CFLAR: variants seen among roughly 807,000 people sequenced by gnomAD.
CFLAR encodes the protein CASP8 and FADD like apoptosis regulator.
In CFLAR, 14 loss-of-function variants were observed where a neutral mutation model predicts 51.1. That is an observed-to-expected ratio of 0.27 (90% confidence interval 0.18 to 0.43). The LOEUF (loss-of-function observed/expected upper bound fraction) is 0.43, where lower values mean the gene tolerates loss of function less well. Ranked by LOEUF, CFLAR falls within the 20% of genes least tolerant of loss-of-function variation. CFLAR has a pLI of 1.00. For synonymous variants in CFLAR, 210 were observed against 211.6 expected (o/e 0.99, Z 0.06); for missense variants, 390 against 566.5 (o/e 0.69, Z 3.16).
intron 9 of CFLAR, chr2:201,162,953 C>T (rs774187279): frequency 1.4e-6 from 1 of 704,298 alleles, no homozygotes; most frequent in Non-Finnish European, 2.6e-6. Context: ...TATTAAACAT[C>T]CTTGTAACTT....
chr2:201,120,509 C>T (rs1187354847), intron 1 of CFLAR, among the ~76,000 whole-genome samples: 1 of 152,084 alleles, frequency 6.6e-6, no homozygotes, highest in Non-Finnish European at 1.5e-5. Context: ...CACTTGATAC[C>T]ACTTTCATCT....
rs954283801 is a variant in CFLAR at position 201,163,762 on chromosome 2, C to T, written c.1305-73C>T. 4 of 1,545,908 alleles carry T rather than the reference C, an allele frequency of 2.6e-6. No individual in the cohort carries two copies. The African/African-American group carries it at 5.5e-5, about 21-fold the overall frequency. On this transcript the variant is annotated intron_variant, in intron 9 of 9. Coordinates refer to ENST00000309955, the MANE Select transcript of CFLAR (RefSeq NM_003879.7). ...CAAAGAACTTTCACATCTGTTGGCT[C>T]ATTTCGCCCTAATGACAGTCTTCTC... is the stretch of plus-strand genomic sequence containing the variant.
chr2:201,142,428 G>A (rs533102056), intron 5 of CFLAR, among the ~76,000 whole-genome samples: 7 of 152,012 alleles, frequency 4.6e-5, no homozygotes, highest in Non-Finnish European at 8.8e-5. Flanking sequence ...ATGGATTTAC[G>A]GATTATATTA....
intron 5 of CFLAR, 76 bp from the exon 6 acceptor site, chr2:201,145,302 A>AT (rs1939887992): frequency 5.0e-6 from 4 of 807,464 alleles, no homozygotes; most frequent in Non-Finnish European, 8.3e-6. Flanking sequence ...CTATTGAGAC[A>AT]TTTAAAGAGG....
intron 1 of CFLAR, among the ~76,000 whole-genome samples, chr2:201,128,007 A>T (rs2048872211): frequency 1.3e-5 from 2 of 152,214 alleles, no homozygotes; most frequent in Admixed American, 1.3e-4. Flanking sequence ...TGACTGTAAA[A>T]AAATAGAGAA....
intron 1 of CFLAR, among the ~76,000 whole-genome samples, chr2:201,127,963 A>G (rs755996967): frequency 4.6e-5 from 7 of 152,168 alleles, no homozygotes; most frequent in Non-Finnish European, 8.8e-5. Flanking sequence ...TGGCATTGTT[A>G]TATTGTTGAT....
Position 201,176,280 on chromosome 2 carries a change from G to GC in CFLAR, c.*12307_*12308insC, listed in dbSNP as rs1457368912. On this transcript the variant is annotated 3_prime_UTR_variant, in exon 10 of 10. Coordinates refer to ENST00000309955, the MANE Select transcript of CFLAR (RefSeq NM_003879.7). ...TCAGTCTCAGGTGTTTTCTATTGCG[G>GC]GGGGGGGGGGCGGGCGGGGGAGCTG... 7.4e-5 allele frequency: 4 copies of GC among 53,914 alleles called. No homozygotes were observed. The highest frequency in any genetic ancestry group is 2.6e-4 in the Admixed American group (1 of 3,906). The allele number at this position is 53,914 out of a possible 1,614,324, so 3.3% of individuals were successfully genotyped here. A position where few individuals can be genotyped will look rare whatever the true frequency, so the allele number is the denominator to read the frequency against.
At chr2:201,128,815 G>A (rs2048951149) in intron 1 of CFLAR, among the ~76,000 whole-genome samples, 3 of 152,204 alleles carry the variant, frequency 2.0e-5, no homozygotes, top group South Asian at 2.1e-4. Context: ...GAAACTTAGA[G>A]TAGATAGGTT....
chr2:201,129,664 TAC>T, intron 1 of CFLAR, 63 bp from the exon 2 acceptor site: 1 of 552,840 alleles, frequency 1.8e-6, no homozygotes, highest in Admixed American at 3.1e-5. Flanking sequence ...AAAGAGCCCA[TAC>T]TTTCAATCTT....
rs968752271 is a variant in CFLAR at position 201,140,213 on chromosome 2, C to A, written c.524-144C>A. Reference sequence around the variant, plus strand: ...TCATGATGTTTGGTCGAAGAGTCATCTGAAATTTTGAATTCAGTAAGGTGG... The same window carrying A: ...TCATGATGTTTGGTCGAAGAGTCATATGAAATTTTGAATTCAGTAAGGTGG... On this transcript the variant is annotated intron_variant, in intron 4 of 9. Coordinates refer to ENST00000309955, the MANE Select transcript of CFLAR (RefSeq NM_003879.7). 4.4e-5 allele frequency: 42 copies of A among 964,000 alleles called. No individual in the cohort carries two copies. The African/African-American group carries it at 6.9e-4, about 16-fold the overall frequency. The allele number at this position is 964,000 out of a possible 1,614,324, so 59.7% of individuals were successfully genotyped here.
rs1943949858 is a variant in CFLAR, at chr2:201,170,532, A to G, written c.*6559A>G. 6.6e-6 allele frequency: 1 copy of G among 152,210 alleles called. No individual in the cohort carries two copies. The highest frequency in any genetic ancestry group is 1.5e-5 in the Non-Finnish European group (1 of 68,034). The allele number at this position is 152,210 out of a possible 1,614,324, so 9.4% of individuals were successfully genotyped here. A position where few individuals can be genotyped will look rare whatever the true frequency, so the allele number is the denominator to read the frequency against. ...TGACATCATATAGATAAGTAGTTGA[A>G]TTATGGATTTAAAATACATATCATT... On this transcript the variant is annotated 3_prime_UTR_variant, in exon 10 of 10. Coordinates refer to ENST00000309955, the MANE Select transcript of CFLAR (RefSeq NM_003879.7).
intron 8 of CFLAR, among the ~76,000 whole-genome samples, chr2:201,155,793 T>G (rs1213590604): frequency 1.3e-5 from 2 of 152,016 alleles, no homozygotes; most frequent in Admixed American, 6.6e-5. Context: ...CCATCTAATT[T>G]TTAAAATATT....
rs767912666 is a variant in CFLAR at position 201,129,999 on chromosome 2, G to T, written c.134G>T (p.Arg45Leu). 2 of 1,614,134 alleles carry T rather than the reference G, an allele frequency of 1.2e-6. No homozygotes were observed. Among genetic ancestry groups the T allele is most frequent in the South Asian group, 2.2e-5 (2 of 91,076 alleles). The change falls in exon 2 of 10, where the codon CGG (arginine) becomes CTG (leucine). Residue 45 changes from arginine to leucine, a missense_variant. Arg to Leu is a moderately radical substitution (Grantham distance 102, BLOSUM62 -2). Around this residue, in one of 2 missense-constraint regions of CFLAR, gnomAD observed 103 missense variants for 202.9 expected, o/e 0.51. Coordinates refer to ENST00000309955, the MANE Select transcript of CFLAR (RefSeq NM_003879.7). ...PNVRDLLDIL[R>L]ERGKLSVGDL... ...GTCAGGGACCTTCTGGATATTTTAC[G>T]GGAAAGAGGTAAGCTGTCTGTCGGG...
At chr2:201,132,348 C>T (rs1338465338) in intron 2 of CFLAR, among the ~76,000 whole-genome samples, 1 of 151,280 alleles carries the variant, frequency 6.6e-6, no homozygotes, top group Non-Finnish European at 1.5e-5. Flanking sequence ...GTCATGGTAA[C>T]AATACTAACC....
At chr2:201,127,488 C>T (rs1426921032) in intron 1 of CFLAR, among the ~76,000 whole-genome samples, 1 of 152,136 alleles carries the variant, frequency 6.6e-6, no homozygotes, top group Admixed American at 6.5e-5. Context: ...GACCCTTTCC[C>T]TACAAAAAAC....
At chr2:201,145,719 C>T (rs1939999021) in intron 6 of CFLAR, 2 of 310,346 alleles carry the variant, frequency 6.4e-6, no homozygotes, top group Admixed American at 9.8e-5. Context: ...CTAATCAGGC[C>T]ATGTTAAACA....
chr2:201,137,926 G>A (rs1263452679), intron 4 of CFLAR: 1 of 763,274 alleles, frequency 1.3e-6, no homozygotes, highest in East Asian at 2.5e-5. Context: ...GAGGCTCCTA[G>A]GGCCAGGGCC....
At chr2:201,141,470 G>A in intron 5 of CFLAR, 1 of 1,539,594 alleles carries the variant, frequency 6.5e-7, no homozygotes. Flanking sequence ...CATTCTGAAT[G>A]ATTAAATCGT....
At chr2:201,117,085 T>G (rs1249160358) in intron 1 of CFLAR, 1 of 152,190 alleles carries the variant, frequency 6.6e-6, no homozygotes, top group Non-Finnish European at 1.5e-5. Flanking sequence ...CAATTGTGTA[T>G]GCGCTCGATC....
Sources: gnomAD v4.1 joint callset for allele counts (sites outside exome capture counted in the v4.1 genomes callset) on GRCh38, gnomAD v4.1.1 for gene constraint, gnomAD v4.1.1 regional missense constraint, MANE v1.5 for transcripts, NCBI Gene and HGNC (gene_info 2026-07-23, HGNC 2026-07-21) for gene names.